XKR4: variants seen among roughly 807,000 people sequenced by gnomAD.
XKR4 encodes the protein XK-related protein 4.
XKR4 carries 12 observed loss-of-function variants against 53.9 expected under a neutral mutation model. The ratio of observed to expected loss-of-function variants is 0.22; its 90% confidence interval spans 0.14 to 0.36. XKR4 has a LOEUF of 0.36. XKR4 is among the 10% of genes least tolerant of loss of function. The pLI is 1.00. For synonymous variants in XKR4, 354 were observed against 362.4 expected (o/e 0.98, Z 0.26); for missense variants, 799 against 859.5 (o/e 0.93, Z 0.88).
At chr8:55,393,966 C>A (rs140751878) in intron 2 of XKR4, among the ~76,000 whole-genome samples, 1 of 152,056 alleles carries the variant, frequency 6.6e-6, no homozygotes, top group Non-Finnish European at 1.5e-5. Context: ...TAGAATGATG[C>A]CTTTATAGGA....
At chr8:55,162,982 T>C (rs1462062404) in intron 1 of XKR4, among the ~76,000 whole-genome samples, 1 of 152,228 alleles carries the variant, frequency 6.6e-6, no homozygotes, top group East Asian at 1.9e-4. Flanking sequence ...ATATATAATA[T>C]TGTAAAATGC....
intron 1 of XKR4, among the ~76,000 whole-genome samples, chr8:55,182,887 G>A (rs78975463): frequency 0.031 from 4,721 of 150,158 alleles, 184 homozygotes; most frequent in East Asian, 0.12. Context: ...AAAAATTGAG[G>A]TCCTAATTAT....
chr8:55,313,652 T>C (rs1040565412), intron 1 of XKR4, among the ~76,000 whole-genome samples: 6 of 152,260 alleles, frequency 3.9e-5, no homozygotes, highest in Middle Eastern at 3.4e-3. Context: ...AAAATGAGGG[T>C]AAATTCCATA....
intron 1 of XKR4, among the ~76,000 whole-genome samples, chr8:55,156,725 GT>G (rs1319024536): frequency 6.6e-6 from 1 of 152,104 alleles, no homozygotes; most frequent in African/African-American, 2.4e-5. Context: ...GTTAATAAAA[GT>G]TAAAAAGTTC....
intron 2 of XKR4, among the ~76,000 whole-genome samples, chr8:55,420,550 C>A (rs956865246): frequency 1.4e-5 from 2 of 147,358 alleles, no homozygotes; most frequent in African/African-American, 5.2e-5. Flanking sequence ...AAACCAAACA[C>A]CGCATATTCT....
At chr8:55,386,093 A>T (rs1490944601) in intron 2 of XKR4, among the ~76,000 whole-genome samples, 1 of 152,278 alleles carries the variant, frequency 6.6e-6, no homozygotes, top group African/African-American at 2.4e-5. Context: ...AAATGTCAAG[A>T]CATCAAAATG....
At chr8:55,432,461 T>A (rs1805117117) in intron 2 of XKR4, among the ~76,000 whole-genome samples, 1 of 152,212 alleles carries the variant, frequency 6.6e-6, no homozygotes, top group Non-Finnish European at 1.5e-5. Flanking sequence ...GCCTCCTCCC[T>A]GTATGATCCT....
At position 55,293,403 on chromosome 8, in the gene XKR4, G is replaced by A. The variant is rs1037986118; in HGVS notation, c.807-64275G>A. Among the ~76,000 whole-genome samples, 8 of 152,176 alleles carry A rather than the reference G, an allele frequency of 5.3e-5. No homozygotes were observed. In the East Asian group the frequency reaches 5.8e-4, roughly 11 times the overall value. ...TTTTATAAGAAGAAGGAACAAGTGC[G>A]AAATTATAAATGTTCAGTTGTAATC... On this transcript the variant is annotated intron_variant, in intron 1 of 2. Coordinates refer to ENST00000327381, the MANE Select transcript of XKR4 (RefSeq NM_052898.2).
chr8:55,448,493 C>A (rs550953871), intron 2 of XKR4, among the ~76,000 whole-genome samples: 1 of 152,200 alleles, frequency 6.6e-6, no homozygotes, highest in Non-Finnish European at 1.5e-5. Context: ...TGCACATCTG[C>A]GTAATGTCTA....
intron 1 of XKR4, among the ~76,000 whole-genome samples, chr8:55,161,142 T>C (rs767426615): frequency 2.0e-5 from 3 of 152,186 alleles, no homozygotes; most frequent in Non-Finnish European, 2.9e-5. Flanking sequence ...CCATGGTGGC[T>C]CTGAATGTGG....
At chr8:55,358,109 A>T (rs1563331977) in intron 2 of XKR4, among the ~76,000 whole-genome samples, 1 of 152,208 alleles carries the variant, frequency 6.6e-6, no homozygotes, top group African/African-American at 2.4e-5. Flanking sequence ...GTAGGAAAAA[A>T]AAAATCTTTA....
rs143310817 is a variant in XKR4, at chr8:55,273,325, C to A, written c.807-84353C>A. ...CTCCATCTTGCTTCTAACCTCCAAGCTGTCCTTATTCATTCCTAGGCGTAG... is the reference window on the plus strand; with the variant it reads ...CTCCATCTTGCTTCTAACCTCCAAGATGTCCTTATTCATTCCTAGGCGTAG... On this transcript the variant is annotated intron_variant, in intron 1 of 2. Coordinates refer to ENST00000327381, the MANE Select transcript of XKR4 (RefSeq NM_052898.2). Among the ~76,000 whole-genome samples the A allele has an allele frequency of 4.2e-3, 638 of 152,320 alleles. 8 individuals carry two copies. The highest frequency in any genetic ancestry group is 0.014 in the African/African-American group (596 of 41,558).
At chr8:55,477,022 G>C (rs974843830) in intron 2 of XKR4, among the ~76,000 whole-genome samples, 3 of 152,146 alleles carry the variant, frequency 2.0e-5, no homozygotes, top group Non-Finnish European at 2.9e-5. Context: ...AAATGTCCCT[G>C]TCTGACAGCT....
intron 2 of XKR4, among the ~76,000 whole-genome samples, chr8:55,408,209 T>C (rs1163904452): frequency 6.6e-6 from 1 of 152,218 alleles, no homozygotes; most frequent in East Asian, 1.9e-4. Context: ...GTGCCAAGTA[T>C]ATACCACCAG....
At chr8:55,438,502 A>G (rs1453748765) in intron 2 of XKR4, among the ~76,000 whole-genome samples, 1 of 148,110 alleles carries the variant, frequency 6.8e-6, no homozygotes, top group Admixed American at 6.9e-5. Context: ...AGGAAGGAGA[A>G]TTGCTTCAAC....
intron 2 of XKR4, among the ~76,000 whole-genome samples, chr8:55,485,422 T>C (rs1052073890): frequency 6.6e-6 from 1 of 152,126 alleles, no homozygotes; most frequent in East Asian, 1.9e-4. Flanking sequence ...TCATAGAATA[T>C]AAGATAAACA....
rs773989931 is a variant in XKR4 at position 55,523,834 on chromosome 8, C to T, written c.1560C>T (p.Phe520=). Residue 520 remains phenylalanine, a synonymous_variant, in exon 3 of 3, where the codon TTC becomes TTT. Transcript: ENST00000327381. ...TCTTTCATCCCAATGGACCCAGATTCGGGCAGTCACCAAGTTGTGCTTGTG... is the reference window on the plus strand; with the variant it reads ...TCTTTCATCCCAATGGACCCAGATTTGGGCAGTCACCAAGTTGTGCTTGTG... ...YAFFHPNGPR[F]GQSPSCACED... The T allele has an allele frequency of 3.7e-6, 6 of 1,614,148 alleles. No individual in the cohort carries two copies. Among genetic ancestry groups the T allele is most frequent in the South Asian group, 2.2e-5 (2 of 91,074 alleles).
In XKR4 at chr8:55,275,777, T is replaced by C. The variant is rs568183832; in HGVS notation, c.807-81901T>C. Reference sequence around the variant, plus strand: ...AAGTTCTTACCACATTTATCTAGCTTATACTAATTAGTCCAGGTCACCTGG... The same window carrying C: ...AAGTTCTTACCACATTTATCTAGCTCATACTAATTAGTCCAGGTCACCTGG... On this transcript the variant is annotated intron_variant, in intron 1 of 2. Transcript: ENST00000327381. 7.9e-5 allele frequency among the ~76,000 whole-genome samples: 12 copies of C among 152,354 alleles called. No homozygotes were observed. The South Asian group carries it at 2.5e-3, about 32-fold the overall frequency.
intron 1 of XKR4, among the ~76,000 whole-genome samples, chr8:55,263,111 T>C (rs1014143501): frequency 2.0e-5 from 3 of 152,188 alleles, no homozygotes; most frequent in African/African-American, 7.2e-5. Context: ...GCTTCCTGCC[T>C]TCAGTCTTGC....
Sources: gnomAD v4.1 joint callset for allele counts (sites outside exome capture counted in the v4.1 genomes callset) on GRCh38, gnomAD v4.1.1 for gene constraint, MANE v1.5 for transcripts, NCBI Gene and HGNC (gene_info 2026-07-23, HGNC 2026-07-21) for gene names.